Variants in FGF13 observed in about 807,000 individuals in gnomAD.
The protein encoded by FGF13 is fibroblast growth factor homologous factor 2.
FGF13 carries 2 observed loss-of-function variants against 19.5 expected under a neutral mutation model. The ratio of observed to expected loss-of-function variants is 0.10; its 90% confidence interval spans 0.04 to 0.32. The LOEUF is 0.32. Ranked by LOEUF, FGF13 falls within the 10% of genes least tolerant of loss-of-function variation. FGF13 has a pLI of 1.00. For synonymous variants in FGF13, 72 were observed against 76.9 expected, an observed-to-expected ratio of 0.94 and a Z score of 0.33; for missense variants, 113 against 192.7, an observed-to-expected ratio of 0.59 and a Z score of 2.45.
chrX:138,776,861 C>T (rs2090591500), intron 3 of FGF13, among the ~76,000 whole-genome samples: 1 of 111,558 alleles, frequency 9.0e-6, no homozygotes, highest in Admixed American at 9.6e-5. Flanking sequence ...CTGGTCCAGA[C>T]AAGATGGTGT....
intron 1 of FGF13, among the ~76,000 whole-genome samples, chrX:139,117,315 T>A (rs2083646984): frequency 9.0e-6 from 1 of 111,491 alleles, no homozygotes; most frequent in Non-Finnish European, 1.9e-5. Context: ...AGCAAAAAAA[T>A]TAACAAATCC....
intron 1 of FGF13, among the ~76,000 whole-genome samples, chrX:138,924,240 C>T (rs1163759534): frequency 8.9e-6 from 1 of 111,799 alleles, no homozygotes; most frequent in Non-Finnish European, 1.9e-5. Flanking sequence ...ATGGTTTGAA[C>T]AATATCAGCA....
intron 1 of FGF13, among the ~76,000 whole-genome samples, chrX:139,067,400 A>G (rs1187275851): frequency 1.8e-5 from 2 of 112,039 alleles, no homozygotes; most frequent in African/African-American, 3.2e-5. Flanking sequence ...TCTCAGCCCA[A>G]AATCTCCTTA....
intron 1 of FGF13, among the ~76,000 whole-genome samples, chrX:138,934,612 G>A (rs1199032015): frequency 1.1e-4 from 12 of 112,544 alleles, no homozygotes; most frequent in Non-Finnish European, 7.5e-5. Flanking sequence ...GAAAATAAAC[G>A]AGATGAAATG....
At chrX:138,754,874 T>C (rs182396149) in intron 3 of FGF13, among the ~76,000 whole-genome samples, 17 of 111,347 alleles carry the variant, frequency 1.5e-4, no homozygotes, top group African/African-American at 4.2e-4. Context: ...GTCATACTTG[T>C]TGCTGGGGAA....
At chrX:138,775,793 T>G (rs1428169215) in intron 3 of FGF13, among the ~76,000 whole-genome samples, 3 of 112,936 alleles carry the variant, frequency 2.7e-5, no homozygotes, top group African/African-American at 9.7e-5. Context: ...ACTTCTGTTT[T>G]GCAATTTATG....
intron 1 of FGF13, among the ~76,000 whole-genome samples, chrX:139,038,225 C>G (rs1051594383): frequency 6.3e-5 from 7 of 111,123 alleles, no homozygotes; most frequent in Non-Finnish European, 1.3e-4. Flanking sequence ...ATAATCCACC[C>G]CTGCTGTTGC....
At chrX:138,892,579 CAG>C (rs1286219497) in intron 1 of FGF13, among the ~76,000 whole-genome samples, 3 of 110,709 alleles carry the variant, frequency 2.7e-5, no homozygotes, top group Non-Finnish European at 5.7e-5. Context: ...GCAGAGGAGG[CAG>C]AGTGTTTCAG....
chrX:138,962,525 A>G (rs1273785218), intron 1 of FGF13, among the ~76,000 whole-genome samples: 5 of 112,314 alleles, frequency 4.5e-5, no homozygotes, highest in Non-Finnish European at 9.4e-5. Context: ...AAATCATGCT[A>G]TCATAAAGAC....
intron 1 of FGF13, among the ~76,000 whole-genome samples, chrX:139,003,591 G>T (rs191902473): frequency 2.1e-5 from 2 of 96,131 alleles, no homozygotes; most frequent in Admixed American, 2.3e-4. Flanking sequence ...AGATAAAAAG[G>T]TTCTCCAAGT....
intron 1 of FGF13, among the ~76,000 whole-genome samples, chrX:138,923,468 T>C (rs2091656950): frequency 8.9e-6 from 1 of 112,353 alleles, no homozygotes; most frequent in Non-Finnish European, 1.9e-5. Flanking sequence ...AGTACAGCAA[T>C]TGATTTGCTG....
intron 1 of FGF13, among the ~76,000 whole-genome samples, chrX:138,883,141 C>T (rs1369198313): frequency 8.9e-6 from 1 of 112,402 alleles, no homozygotes; most frequent in Non-Finnish European, 1.9e-5. Flanking sequence ...TTTTCTGCTG[C>T]AGTGTCAGCA....
chrX:138,669,085 T>A (rs891778219), intron 3 of FGF13, among the ~76,000 whole-genome samples: 2 of 110,715 alleles, frequency 1.8e-5, no homozygotes, highest in African/African-American at 6.6e-5. Context: ...AGAGACAGTC[T>A]GAAAGAGAAA....
intron 3 of FGF13, among the ~76,000 whole-genome samples, chrX:138,778,795 C>T (rs1330153667): frequency 1.8e-5 from 2 of 112,710 alleles, no homozygotes; most frequent in East Asian, 2.8e-4. Context: ...CCCGGAAGCT[C>T]GAACTGGGTG....
At chrX:138,647,955 A>ATAGC (rs1359979779) in intron 3 of FGF13, among the ~76,000 whole-genome samples, 1 of 112,425 alleles carries the variant, frequency 8.9e-6, no homozygotes, top group African/African-American at 3.2e-5. Context: ...AGGTAATTAT[A>ATAGC]TAGCATAGAA....
rs372100142 is a variant in FGF13 at position 138,635,433 on chromosome X, T to C, written c.601+24A>G. On this transcript the variant is annotated intron_variant, in intron 4 of 4. Transcript: ENST00000315930. ...TAAGTATATTTAGTAGCATAATCCA[T>C]AGTTCCCACAATATCAAATGTACCT... 9.4e-6 allele frequency: 11 copies of C among 1,175,843 alleles called. No individual in the cohort carries two copies. The African/African-American group carries it at 1.2e-4, about 13-fold the overall frequency.
chrX:139,023,492 G>C lies in FGF13; in HGVS notation c.-112-158842C>G, dbSNP rs2092186847. ...AAAGAAGCAAAGAGAGAGAAGGGAAGAGAGAGAGAGAGAGAAGAAAACACT... is the reference window on the plus strand; with the variant it reads ...AAAGAAGCAAAGAGAGAGAAGGGAACAGAGAGAGAGAGAGAAGAAAACACT... On this transcript the variant is annotated intron_variant, in intron 1 of 2. Coordinates refer to the FGF13 transcript ENST00000421460. Among the ~76,000 whole-genome samples, 3 of 108,434 alleles carry C rather than the reference G, an allele frequency of 2.8e-5. No individual in the cohort carries two copies. In the South Asian group the frequency reaches 1.1e-3, roughly 42 times the overall value. The allele number at this position is 108,434 out of a possible 115,157, so 94.2% of individuals were successfully genotyped here.
At chrX:138,918,398 C>A (rs978308158) in intron 1 of FGF13, among the ~76,000 whole-genome samples, 3 of 111,296 alleles carry the variant, frequency 2.7e-5, no homozygotes, top group African/African-American at 9.8e-5. Context: ...CTGTTCTAAG[C>A]AGGTCAGACT....
At chrX:138,947,347 T>G (rs767679054) in intron 1 of FGF13, among the ~76,000 whole-genome samples, 16 of 111,788 alleles carry the variant, frequency 1.4e-4, no homozygotes, top group African/African-American at 5.2e-4. Context: ...GGGCATGAAT[T>G]TATAGTCAGA....
Sources: allele counts gnomAD v4.1 joint callset (sites outside exome capture counted in the v4.1 genomes callset), GRCh38; gene constraint gnomAD v4.1.1; transcripts MANE v1.5; gene names NCBI Gene and HGNC (gene_info 2026-07-23, HGNC 2026-07-21).